Variants in SNIP1 observed in about 807,000 individuals in gnomAD.
The protein encoded by SNIP1 is Smad nuclear interacting protein 1.
A neutral mutation model predicts 37.4 loss-of-function variants in SNIP1; 23 were observed. The observed-to-expected ratio is 0.61, with a 90% CI of 0.44 to 0.87. The LOEUF (loss-of-function observed/expected upper bound fraction) is 0.87. Ranked by LOEUF, SNIP1 falls within the 40% of genes least tolerant of loss-of-function variation. SNIP1 has a pLI of 0.00. For missense variants in SNIP1, 459 were observed against 540.4 expected, an observed-to-expected ratio of 0.85 and a Z score of 1.49; for synonymous variants, 174 against 200.0, an observed-to-expected ratio of 0.87 and a Z score of 1.10.
chr1:37,537,718 C>A lies in SNIP1; in HGVS notation c.*30G>T. The stretch of plus-strand genomic sequence containing the variant: ...AATCAAAGACTTCCAAGAAGGAAAC[C>A]GTGTATCAATAGTTTGGGTTCTTAG... On this transcript the variant is annotated 3_prime_UTR_variant, in exon 4 of 4. Transcript: ENST00000296215. 6.3e-7 allele frequency: 1 copy of A among 1,595,986 alleles called. No individual in the cohort carries two copies. Among genetic ancestry groups the A allele is most frequent in the Non-Finnish European group, 8.5e-7 (1 of 1,170,898 alleles).
intron 1 of SNIP1, 31 bp from the exon 2 acceptor site, chr1:37,552,778 C>A: frequency 6.4e-7 from 1 of 1,563,684 alleles, no homozygotes; most frequent in Non-Finnish European, 8.8e-7. Flanking sequence ...AGGATTTTAT[C>A]GCAATTTCCC....
Position 37,552,761 on chromosome 1 carries a change from G to C in SNIP1, c.225-14C>G, listed in dbSNP as rs750362946. 6.2e-7 allele frequency: 1 copy of C among 1,604,532 alleles called. No individual in the cohort carries two copies. Among genetic ancestry groups the C allele is most frequent in the Non-Finnish European group, 8.5e-7 (1 of 1,171,632 alleles). ...TTGGGTGGGGACCTATTCAGAGCAT[G>C]GTACACAGGATTTTATCGCAATTTC... On this transcript the variant is annotated splice_polypyrimidine_tract_variant and intron_variant, in intron 1 of 3. Coordinates refer to ENST00000296215, the MANE Select transcript of SNIP1 (RefSeq NM_024700.4).
intron 2 of SNIP1, among the ~76,000 whole-genome samples, chr1:37,549,481 C>T (rs758589516): frequency 6.6e-5 from 10 of 152,054 alleles, no homozygotes; most frequent in Admixed American, 4.6e-4. Flanking sequence ...CACTGTTCAC[C>T]GCAGCCTCAA....
In SNIP1 at chr1:37,546,156, C is replaced by A. The variant is rs890737465; in HGVS notation, c.328-5401G>T. Among the ~76,000 whole-genome samples the A allele has an allele frequency of 1.4e-4, 21 of 150,644 alleles. No homozygotes were observed. The South Asian group carries it at 2.5e-3, about 18-fold the overall frequency. ...GCACTGGGACTAAGACCCCCCCCCC[C>A]CCCGCTCCCTGCCATACACAGGGCT... On this transcript the variant is annotated intron_variant, in intron 2 of 3. Coordinates refer to ENST00000296215, the MANE Select transcript of SNIP1 (RefSeq NM_024700.4).
chr1:37,537,491 G>A lies in SNIP1; in HGVS notation c.*257C>T. ...CAACACTTCTACTAAAACACGGTGT[G>A]TTGTAATTGGTGAGACTGTTCTGAA... On this transcript the variant is annotated 3_prime_UTR_variant, in exon 4 of 4. Transcript: ENST00000296215. 4.4e-6 allele frequency: 2 copies of A among 454,768 alleles called. No homozygotes were observed. The highest frequency in any genetic ancestry group is 7.8e-6 in the Non-Finnish European group (2 of 256,242). 28.2% of individuals were successfully genotyped at this position (454,768 alleles called of 1,614,324 possible).
intron 2 of SNIP1, among the ~76,000 whole-genome samples, chr1:37,549,839 C>T (rs922872584): frequency 3.3e-5 from 5 of 152,172 alleles, no homozygotes; most frequent in Admixed American, 3.3e-4. Context: ...AATTTCAAGA[C>T]TTATTATATA....
chr1:37,539,846 G>A (rs940480664), intron 3 of SNIP1, among the ~76,000 whole-genome samples: 16 of 152,230 alleles, frequency 1.1e-4, no homozygotes, highest in Non-Finnish European at 2.1e-4. Context: ...AGTTACTCAG[G>A]AGGCCGAGGC....
rs1322516746 is a variant in SNIP1, at chr1:37,536,094, G to C, written c.*1654C>G. The C allele has an allele frequency of 2.0e-5, 3 of 152,266 alleles. No individual in the cohort carries two copies. Among genetic ancestry groups the C allele is most frequent in the African/African-American group, 7.2e-5 (3 of 41,458 alleles). 9.4% of individuals were successfully genotyped at this position (152,266 alleles called of 1,614,324 possible). A position where few individuals can be genotyped will look rare whatever the true frequency, so the allele number is the denominator to read the frequency against. ...CCGAAAGTGTTGGGATTACAGGCATGAGCCACTGTGCCCATGCCCGGCCCA... is the reference window on the plus strand; with the variant it reads ...CCGAAAGTGTTGGGATTACAGGCATCAGCCACTGTGCCCATGCCCGGCCCA... On this transcript the variant is annotated 3_prime_UTR_variant, in exon 4 of 4. Transcript: ENST00000296215.
chr1:37,544,722 C>A (rs1643211417), intron 2 of SNIP1: 1 of 627,812 alleles, frequency 1.6e-6, no homozygotes, highest in Non-Finnish European at 3.0e-6. Flanking sequence ...GCCACTCCAG[C>A]GCCGTGCAGC....
At chr1:37,545,108 A>G in intron 2 of SNIP1, 1 of 743,800 alleles carries the variant, frequency 1.3e-6, no homozygotes, top group Non-Finnish European at 2.5e-6. Flanking sequence ...GGAACTGCAC[A>G]AACTGGCCAC....
chr1:37,540,090 A>G lies in SNIP1; in HGVS notation c.926+67T>C. ...TTCTTCTGCATAAACATGAACAAAA[A>G]TCTTAGTAATCCTAACTGAGTGATT... is the stretch of plus-strand genomic sequence containing the variant. On this transcript the variant is annotated intron_variant, in intron 3 of 3. Coordinates refer to ENST00000296215, the MANE Select transcript of SNIP1 (RefSeq NM_024700.4). This position sits in a 1 kb window ranked among gnomAD's most constrained non-coding sequence, Gnocchi z 5.6. 1 of 1,402,116 alleles carries G rather than the reference A, an allele frequency of 7.1e-7. No individual in the cohort carries two copies. The highest frequency in any genetic ancestry group is 9.7e-7 in the Non-Finnish European group (1 of 1,029,896). 86.9% of individuals were successfully genotyped at this position (1,402,116 alleles called of 1,614,324 possible). A position where few individuals can be genotyped will look rare whatever the true frequency, so the allele number is the denominator to read the frequency against.
intron 2 of SNIP1, chr1:37,549,087 C>A (rs1243540252): frequency 2.0e-5 from 3 of 146,344 alleles, no homozygotes; most frequent in African/African-American, 2.5e-5. Context: ...TAGAAAATCC[C>A]AAGTAATCTT....
At chr1:37,545,470 CA>C (rs74801000) in intron 2 of SNIP1, among the ~76,000 whole-genome samples, 6,727 of 87,178 alleles carry the variant, frequency 0.077, 152 homozygotes, top group Non-Finnish European at 0.11. Context: ...CCGCCCCCAC[CA>C]AAAAAAAAAA....
intron 2 of SNIP1, chr1:37,544,633 C>T: frequency 2.1e-6 from 1 of 473,316 alleles, no homozygotes; most frequent in Non-Finnish European, 3.9e-6. Flanking sequence ...GGCACTCGTA[C>T]CCCACTCCGG....
chr1:37,540,478 G>T lies in SNIP1; in HGVS notation c.605C>A (p.Ser202Tyr), dbSNP rs1010113067. The T allele has an allele frequency of 1.8e-5, 29 of 1,613,974 alleles. No homozygotes were observed. Among genetic ancestry groups the T allele is most frequent in the Non-Finnish European group, 2.2e-5 (26 of 1,180,014 alleles). ...ACCAGGCCGAGGAACCAACTCCTGA[G>T]ACTCACTGCCGCCACCACCAACGTC... ...RNDVGGGGSE[S>Y]QELVPRPGGN... Residue 202 changes from serine to tyrosine, a missense_variant, in exon 3 of 4, where the codon TCT becomes TAT. Transcript: ENST00000296215. This position sits in a 1 kb window ranked among gnomAD's most constrained non-coding sequence, Gnocchi z 5.6.
At chr1:37,550,955 C>T (rs946621541) in intron 2 of SNIP1, among the ~76,000 whole-genome samples, 1 of 151,544 alleles carries the variant, frequency 6.6e-6, no homozygotes, top group Non-Finnish European at 1.5e-5. Flanking sequence ...ATTAGCTGGG[C>T]GTGGTGGTGG....
intron 3 of SNIP1, among the ~76,000 whole-genome samples, chr1:37,538,651 CATA>C (rs1255500672): frequency 1.3e-5 from 2 of 151,858 alleles, no homozygotes; most frequent in African/African-American, 2.4e-5. Flanking sequence ...TTATAATCAA[CATA>C]ATGTTTCTTT....
intron 2 of SNIP1, among the ~76,000 whole-genome samples, chr1:37,544,203 T>C (rs1643203750): frequency 6.7e-6 from 1 of 150,310 alleles, no homozygotes. Flanking sequence ...TCCTAGCACT[T>C]TGGGAGGCTG....
At chr1:37,549,985 G>A (rs1643282504) in intron 2 of SNIP1, among the ~76,000 whole-genome samples, 1 of 152,114 alleles carries the variant, frequency 6.6e-6, no homozygotes, top group African/African-American at 2.4e-5. Context: ...TAATTCATTG[G>A]AGGAAAGATG....
Sources: gnomAD v4.1 joint callset for allele counts (sites outside exome capture counted in the v4.1 genomes callset) on GRCh38, gnomAD v4.1.1 for gene constraint, Gnocchi (gnomAD v3.1) non-coding constraint, MANE v1.5 for transcripts, NCBI Gene and HGNC (gene_info 2026-07-23, HGNC 2026-07-21) for gene names.